CSMD2: variants seen among roughly 807,000 people sequenced by gnomAD.
CSMD2 encodes the protein CUB and Sushi multiple domains 2, also known as CUB and sushi domain-containing protein 2.
CSMD2 carries 130 observed loss-of-function variants against 398.5 expected under a neutral mutation model. The observed-to-expected ratio is 0.33, with a 90% CI of 0.28 to 0.38. The LOEUF (loss-of-function observed/expected upper bound fraction) is 0.38, where lower values mean the gene tolerates loss of function less well. Among genes scored for constraint, CSMD2 ranks in the 10% least tolerant of loss-of-function variants. The pLI is 1.00. For missense variants in CSMD2, 3,829 were observed against 4,764.9 expected (o/e 0.80, Z 5.78); for synonymous variants, 1,828 against 1,908.5 (o/e 0.96, Z 1.10).
intron 13 of CSMD2, among the ~76,000 whole-genome samples, chr1:33,754,862 T>G (rs1648771979): frequency 6.6e-6 from 1 of 152,042 alleles, no homozygotes; most frequent in Non-Finnish European, 1.5e-5. Flanking sequence ...GTCTGTAGGC[T>G]TGGTGTCTTT....
At chr1:33,706,423 C>A (rs1571288055) in intron 22 of CSMD2, among the ~76,000 whole-genome samples, 1 of 152,202 alleles carries the variant, frequency 6.6e-6, no homozygotes, top group South Asian at 2.1e-4. Flanking sequence ...TCTATTCAAT[C>A]TCTCCTCATC....
At chr1:34,082,155 C>T (rs1657254187) in intron 2 of CSMD2, among the ~76,000 whole-genome samples, 1 of 150,908 alleles carries the variant, frequency 6.6e-6, no homozygotes, top group African/African-American at 2.4e-5. Flanking sequence ...AGGAGCACCT[C>T]TGCCCGGCCG....
At chr1:34,045,954 C>G (rs567804688) in intron 2 of CSMD2, among the ~76,000 whole-genome samples, 1 of 152,260 alleles carries the variant, frequency 6.6e-6, no homozygotes, top group African/African-American at 2.4e-5. Flanking sequence ...GGTTCCCAAA[C>G]GGTGCACCAA....
intron 19 of CSMD2, among the ~76,000 whole-genome samples, chr1:33,718,617 G>C (rs1455227731): frequency 6.6e-6 from 1 of 152,124 alleles, no homozygotes; most frequent in Non-Finnish European, 1.5e-5. Flanking sequence ...CAGCACTGGG[G>C]GACTTACTAG....
chr1:33,900,884 G>C (rs542740763), intron 5 of CSMD2, among the ~76,000 whole-genome samples: 3 of 152,290 alleles, frequency 2.0e-5, no homozygotes, highest in East Asian at 1.9e-4. Flanking sequence ...TTATACTGTT[G>C]AAGGTATATT....
chr1:33,732,882 C>T (rs1401796973), intron 15 of CSMD2, among the ~76,000 whole-genome samples: 2 of 152,214 alleles, frequency 1.3e-5, no homozygotes, highest in Non-Finnish European at 2.9e-5. Flanking sequence ...TTTGCTTCCC[C>T]TGTGTGTTAG....
At position 34,164,193 on chromosome 1, in the gene CSMD2, G is replaced by A. The variant is rs1035712683; in HGVS notation, c.187+718C>T. On this transcript the variant is annotated intron_variant, in intron 1 of 70. Transcript: ENST00000373381. This position sits in a 1 kb window ranked among gnomAD's most constrained non-coding sequence, Gnocchi z 6.2. ...GCCTGGCGGCGGCACTCCCTCCCCC[G>A]CCTCGGGCTACAACCCCCACCCCCT... 6.8e-6 allele frequency among the ~76,000 whole-genome samples: 1 copy of A among 147,782 alleles called. No homozygotes were observed. Among genetic ancestry groups the A allele is most frequent in the African/African-American group, 2.5e-5 (1 of 40,526 alleles).
intron 2 of CSMD2, among the ~76,000 whole-genome samples, chr1:34,063,763 C>T (rs976779244): frequency 1.3e-5 from 2 of 152,302 alleles, no homozygotes; most frequent in East Asian, 1.9e-4. Context: ...GATGGAGCTC[C>T]GATGGGTGCT....
intron 13 of CSMD2, among the ~76,000 whole-genome samples, chr1:33,768,545 T>G (rs1357430876): frequency 1.1e-5 from 1 of 87,658 alleles, no homozygotes; most frequent in African/African-American, 5.0e-5. Flanking sequence ...CATGTGTGTG[T>G]GTGTGTGTGT....
At chr1:33,526,657 T>C (rs149472600) in intron 65 of CSMD2, among the ~76,000 whole-genome samples, 1 of 152,344 alleles carries the variant, frequency 6.6e-6, no homozygotes, top group African/African-American at 2.4e-5. Context: ...GGTACTCAAA[T>C]TGAGTTTCTG....
chr1:33,774,612 C>G (rs927899562), intron 12 of CSMD2, among the ~76,000 whole-genome samples: 6 of 152,162 alleles, frequency 3.9e-5, no homozygotes, highest in Non-Finnish European at 8.8e-5. Flanking sequence ...GAGCTGGATC[C>G]TTCCTGCTGC....
chr1:33,980,093 C>T (rs1322662702), intron 3 of CSMD2, among the ~76,000 whole-genome samples: 1 of 152,140 alleles, frequency 6.6e-6, no homozygotes, highest in African/African-American at 2.4e-5. Flanking sequence ...AGGCAGTGGG[C>T]ACCAGTGGCC....
intron 25 of CSMD2, among the ~76,000 whole-genome samples, chr1:33,677,491 C>G (rs1644756862): frequency 6.6e-6 from 1 of 152,296 alleles, no homozygotes; most frequent in South Asian, 2.1e-4. Flanking sequence ...GAAATAGGAA[C>G]ACTTTTACAC....
chr1:34,091,155 G>C (rs1009343715), intron 1 of CSMD2, among the ~76,000 whole-genome samples: 1 of 152,130 alleles, frequency 6.6e-6, no homozygotes, highest in African/African-American at 2.4e-5. Flanking sequence ...CCAAGTGATT[G>C]TTTCACAAGT....
intron 1 of CSMD2, among the ~76,000 whole-genome samples, chr1:34,121,749 A>G (rs1662207373): frequency 2.0e-5 from 3 of 152,138 alleles, no homozygotes; most frequent in Admixed American, 6.5e-5. Context: ...GGTATGGCCG[A>G]GGTTGAGAAC....
At position 33,523,387 on chromosome 1, in the gene CSMD2, GT is replaced by G; in HGVS notation, c.10428del (p.Leu3477SerfsTer14). Reference protein sequence around the residue: ...GTYKKEDFHLLLQVYQITGPV... With the variant: ...GTYKKEDFHLXLQVYQITGPV... ...GGCCCTGTAATCTGGTACACCTGGA[GT>G]AGGAGATGAAAATCTTCTTTCTTGT... On this transcript the variant is annotated frameshift_variant, in exon 67 of 71. Transcript: ENST00000373381. LOFTEE classifies it high-confidence loss of function. 6.4e-7 allele frequency: 1 copy of G among 1,573,876 alleles called. No homozygotes were observed. Among genetic ancestry groups the G allele is most frequent in the Non-Finnish European group, 8.7e-7 (1 of 1,146,348 alleles).
intron 47 of CSMD2, among the ~76,000 whole-genome samples, chr1:33,583,069 G>T (rs936648797): frequency 6.6e-6 from 1 of 152,212 alleles, no homozygotes; most frequent in African/African-American, 2.4e-5. Flanking sequence ...TAACATATTG[G>T]TTCACTCTAT....
intron 25 of CSMD2, among the ~76,000 whole-genome samples, chr1:33,681,864 G>T (rs1174845175): frequency 6.6e-6 from 1 of 152,170 alleles, no homozygotes; most frequent in African/African-American, 2.4e-5. Flanking sequence ...TACTTGGGAG[G>T]CTGAGGTCGG....
intron 64 of CSMD2, among the ~76,000 whole-genome samples, chr1:33,532,392 C>T (rs866840229): frequency 4.6e-5 from 7 of 152,296 alleles, no homozygotes; most frequent in African/African-American, 1.2e-4. Flanking sequence ...CTGAACTAAT[C>T]GTTTAACCTT....
Sources: allele counts gnomAD v4.1 joint callset (sites outside exome capture counted in the v4.1 genomes callset), GRCh38; gene constraint gnomAD v4.1.1; non-coding constraint Gnocchi (gnomAD v3.1); transcripts MANE v1.5; gene names NCBI Gene and HGNC (gene_info 2026-07-23, HGNC 2026-07-21).